Variants in CNIH3 observed in about 807,000 individuals in gnomAD.
CNIH3 encodes the protein cornichon family AMPA receptor auxiliary protein 3.
Under a neutral mutation model 24.1 loss-of-function variants are expected in CNIH3, and 14 were observed. The ratio of observed to expected loss-of-function variants is 0.58; its 90% CI spans 0.38 to 0.91. CNIH3 has a LOEUF of 0.91. Ranked by LOEUF, CNIH3 falls within the 40% of genes least tolerant of loss-of-function variation. The pLI, the probability that CNIH3 is intolerant of heterozygous loss-of-function variation, is 0.00. For synonymous variants in CNIH3, 68 were observed against 73.8 expected (o/e 0.92, Z 0.40); for missense variants, 178 against 196.8 (o/e 0.90, Z 0.57).
intron 1 of CNIH3, among the ~76,000 whole-genome samples, chr1:224,677,608 T>A (rs1301690122): frequency 6.6e-6 from 1 of 152,202 alleles, no homozygotes; most frequent in East Asian, 1.9e-4. Context: ...CGCCATCCTC[T>A]AGGTGAGGCG....
At chr1:224,612,820 AG>A (rs1682760191), upstream of CNIH3, among the ~76,000 whole-genome samples, 1 of 152,326 alleles carries the variant, frequency 6.6e-6, no homozygotes, top group East Asian at 1.9e-4. The surrounding 1 kb of genome is among the most constrained non-coding windows in gnomAD (Gnocchi z 4.7). Flanking sequence ...GAGGTCCCAA[AG>A]GGACTCAGAA....
chr1:224,452,152 CTT>C (rs58936897), intron 1 of CNIH3, among the ~76,000 whole-genome samples: 3 of 142,224 alleles, frequency 2.1e-5, no homozygotes, highest in African/African-American at 2.6e-5. Flanking sequence ...TTACCAATGT[CTT>C]TTTTTTTTTT....
intron 1 of CNIH3, among the ~76,000 whole-genome samples, chr1:224,466,484 T>G (rs1438644516): frequency 1.3e-5 from 2 of 152,196 alleles, no homozygotes; most frequent in Non-Finnish European, 2.9e-5. Flanking sequence ...GTACTACAGT[T>G]TCTTCAACCA....
chr1:224,503,318 C>T (rs986421717), intron 1 of CNIH3, among the ~76,000 whole-genome samples: 2 of 152,176 alleles, frequency 1.3e-5, no homozygotes, highest in Non-Finnish European at 2.9e-5. Flanking sequence ...CTTCCCTTGT[C>T]GGTCTTTTGG....
intron 1 of CNIH3, among the ~76,000 whole-genome samples, chr1:224,517,435 A>G (rs1266750692): frequency 1.3e-5 from 2 of 152,046 alleles, no homozygotes; most frequent in African/African-American, 2.4e-5. Context: ...GCCTTCCAGG[A>G]TGTTTCTCTC....
At position 224,739,744 on chromosome 1, in the gene CNIH3, CA is replaced by C. The variant is rs1689779912; in HGVS notation, c.*390del. 1 of 236,500 alleles carries C rather than the reference CA, an allele frequency of 4.2e-6. No individual in the cohort carries two copies. The highest frequency in any genetic ancestry group is 9.8e-5 in the South Asian group (1 of 10,242). The allele number at this position is 236,500 out of a possible 1,614,324, so 14.7% of individuals were successfully genotyped here. ...CCTGGGAGCGGAGGCTGGAAGGCCACAAGGTGCTTGCTAAGGAACAGAATGA... is the reference window on the plus strand; with the variant it reads ...CCTGGGAGCGGAGGCTGGAAGGCCACAGGTGCTTGCTAAGGAACAGAATGA... On this transcript the variant is annotated 3_prime_UTR_variant, in exon 6 of 6. Coordinates refer to ENST00000272133, the MANE Select transcript of CNIH3 (RefSeq NM_152495.2).
chr1:224,536,387 G>C (rs1210902956), intron 2 of CNIH3, among the ~76,000 whole-genome samples: 1 of 147,684 alleles, frequency 6.8e-6, no homozygotes, highest in Non-Finnish European at 1.5e-5. Context: ...TGCCTCCTGC[G>C]TTCAAGCGAT....
At chr1:224,471,667 C>T (rs538069073) in intron 1 of CNIH3, among the ~76,000 whole-genome samples, 40 of 151,802 alleles carry the variant, frequency 2.6e-4, no homozygotes, top group African/African-American at 8.2e-4. Flanking sequence ...CTCGGCTCAC[C>T]GCAACCTACG....
At chr1:224,485,332 C>G (rs984680492) in intron 1 of CNIH3, among the ~76,000 whole-genome samples, 14 of 152,208 alleles carry the variant, frequency 9.2e-5, no homozygotes, top group African/African-American at 3.4e-4. Context: ...ACTACAACTA[C>G]TGACCAATAG....
intron 1 of CNIH3, among the ~76,000 whole-genome samples, chr1:224,647,942 G>A (rs940607491): frequency 4.6e-5 from 7 of 152,182 alleles, no homozygotes; most frequent in Admixed American, 4.6e-4. Flanking sequence ...TCTATCTTAG[G>A]GTACTGGTTA....
At chr1:224,490,905 G>T (rs898366808) in intron 1 of CNIH3, among the ~76,000 whole-genome samples, 7 of 152,200 alleles carry the variant, frequency 4.6e-5, no homozygotes, top group Non-Finnish European at 8.8e-5. Flanking sequence ...ACAGAAATTG[G>T]CAGTGAAGTA....
intron 1 of CNIH3, among the ~76,000 whole-genome samples, chr1:224,624,499 A>G (rs1455373512): frequency 6.6e-6 from 1 of 152,048 alleles, no homozygotes; most frequent in Non-Finnish European, 1.5e-5. Flanking sequence ...CAGTGGGTTT[A>G]GTCTTCACCC....
intron 5 of CNIH3, among the ~76,000 whole-genome samples, chr1:224,586,408 G>A (rs1681510698): frequency 6.6e-6 from 1 of 152,158 alleles, no homozygotes; most frequent in South Asian, 2.1e-4. Flanking sequence ...GATCACATGA[G>A]ACTTATTCAC....
intron 1 of CNIH3, among the ~76,000 whole-genome samples, chr1:224,667,572 ACTCAT>A (rs1685654639): frequency 6.6e-6 from 1 of 152,188 alleles, no homozygotes; most frequent in South Asian, 2.1e-4. Context: ...AGTTGCTCCA[ACTCAT>A]CTCTGGAGAG....
intron 1 of CNIH3, among the ~76,000 whole-genome samples, chr1:224,621,034 G>A (rs1683255068): frequency 6.6e-6 from 1 of 152,192 alleles, no homozygotes; most frequent in Non-Finnish European, 1.5e-5. Context: ...TCTTTGAAAA[G>A]ATCAAAGATT....
intron 1 of CNIH3, among the ~76,000 whole-genome samples, chr1:224,656,745 C>T (rs1046611809): frequency 3.3e-5 from 5 of 152,182 alleles, no homozygotes; most frequent in African/African-American, 1.2e-4. Flanking sequence ...AGACTGGATC[C>T]TCCAGTTTCA....
chr1:224,666,517 C>T (rs1023943661), intron 1 of CNIH3, among the ~76,000 whole-genome samples: 4 of 152,118 alleles, frequency 2.6e-5, no homozygotes, highest in East Asian at 1.9e-4. Context: ...CTGGTTGGGG[C>T]GAGTTTTTCT....
chr1:224,604,520 G>A lies in CNIH3; in HGVS notation n.402+38256G>A, dbSNP rs80200819. The stretch of plus-strand genomic sequence containing the variant: ...CCTCTGAAGAAGGGACCCCTACGCC[G>A]CTTTGTGCCAGTGACTTGTGGAAGA... On this transcript the variant is annotated intron_variant and non_coding_transcript_variant, in intron 3 of 7. Transcript: ENST00000478120. This position sits in a 1 kb window ranked among gnomAD's most constrained non-coding sequence, Gnocchi z 4.4. 5.9e-5 allele frequency among the ~76,000 whole-genome samples: 9 copies of A among 152,280 alleles called. No individual in the cohort carries two copies. Among genetic ancestry groups the A allele is most frequent in the South Asian group, 2.1e-4 (1 of 4,824 alleles).
intron 4 of CNIH3, chr1:224,575,482 C>T: frequency 1.7e-6 from 1 of 594,466 alleles, no homozygotes; most frequent in Non-Finnish European, 3.0e-6. Flanking sequence ...GCCTGTGTCA[C>T]TCAGCAGTGG....
Sources: allele counts gnomAD v4.1 joint callset (sites outside exome capture counted in the v4.1 genomes callset), GRCh38; gene constraint gnomAD v4.1.1; non-coding constraint Gnocchi (gnomAD v3.1); transcripts MANE v1.5; gene names NCBI Gene and HGNC (gene_info 2026-07-23, HGNC 2026-07-21).